The following NXPE3 variants were observed in gnomAD, a reference collection of about 807,000 sequenced individuals.
NXPE3 encodes the protein neurexophilin and PC-esterase domain family member 3.
Under a neutral mutation model 46.1 loss-of-function variants are expected in NXPE3, and 26 were observed. The ratio of observed to expected loss-of-function variants is 0.56; its 90% confidence interval spans 0.41 to 0.78. The LOEUF is 0.78. Ranked by LOEUF, NXPE3 falls within the 30% of genes least tolerant of loss-of-function variation. The pLI, the probability that NXPE3 is intolerant of heterozygous loss-of-function variation, is 0.00. For missense variants in NXPE3, 620 were observed against 686.0 expected, an observed-to-expected ratio of 0.90 and a Z score of 1.07; for synonymous variants, 272 against 257.9, an observed-to-expected ratio of 1.05 and a Z score of -0.52.
chr3:101,797,023 G>T (rs1370460293), intron 4 of NXPE3, among the ~76,000 whole-genome samples: 1 of 152,080 alleles, frequency 6.6e-6, no homozygotes, highest in East Asian at 1.9e-4. Context: ...TACATCTTAG[G>T]TAGATTAGTT....
At chr3:101,794,728 A>G (rs896200767) in intron 4 of NXPE3, among the ~76,000 whole-genome samples, 10 of 152,218 alleles carry the variant, frequency 6.6e-5, no homozygotes, top group Non-Finnish European at 1.3e-4. Flanking sequence ...AGGGAGAGAC[A>G]GAGAGACTTG....
rs189227575 is a variant in NXPE3, at chr3:101,804,477, A to C, written c.848+2488A>C. Among the ~76,000 whole-genome samples, 249 of 152,314 alleles carry C rather than the reference A, an allele frequency of 1.6e-3. 3 individuals carry two copies. The highest frequency in any genetic ancestry group is 5.7e-3 in the African/African-American group (239 of 41,574). On this transcript the variant is annotated intron_variant, in intron 5 of 7. Transcript: ENST00000273347. ...TGTCTGAGGTGGTGTAAGTTTTTGGAAAGCAAACATTTGACAGAGTTCTCA... is the reference window on the plus strand; with the variant it reads ...TGTCTGAGGTGGTGTAAGTTTTTGGCAAGCAAACATTTGACAGAGTTCTCA...
chr3:101,808,348 G>A (rs765603008), intron 6 of NXPE3, among the ~76,000 whole-genome samples: 57 of 152,244 alleles, frequency 3.7e-4, no homozygotes, highest in Admixed American at 1.5e-3. Flanking sequence ...TTAACTAATA[G>A]TACTGCACTC....
intron 4 of NXPE3, among the ~76,000 whole-genome samples, chr3:101,788,645 T>C (rs577155111): frequency 6.6e-6 from 1 of 152,346 alleles, no homozygotes; most frequent in South Asian, 2.1e-4. Context: ...AGACGGAGTC[T>C]TGCTCTGTTG....
intron 7 of NXPE3, among the ~76,000 whole-genome samples, chr3:101,818,495 C>T (rs960080545): frequency 6.6e-6 from 1 of 151,640 alleles, no homozygotes; most frequent in Non-Finnish European, 1.5e-5. Context: ...GTTTTCATCA[C>T]GTCCCACCAT....
At chr3:101,806,569 C>T (rs924883771) in intron 5 of NXPE3, among the ~76,000 whole-genome samples, 2 of 152,114 alleles carry the variant, frequency 1.3e-5, no homozygotes, top group African/African-American at 4.8e-5. Context: ...CTAAAGAGTC[C>T]TGGTAATGAT....
intron 7 of NXPE3, among the ~76,000 whole-genome samples, chr3:101,820,488 A>C (rs1249168182): frequency 6.6e-6 from 1 of 152,224 alleles, no homozygotes; most frequent in East Asian, 1.9e-4. Context: ...AAGAGCTAAA[A>C]GCAGAACTAC....
At chr3:101,791,116 C>T (rs1940494209) in intron 4 of NXPE3, among the ~76,000 whole-genome samples, 1 of 152,114 alleles carries the variant, frequency 6.6e-6, no homozygotes, top group South Asian at 2.1e-4. Context: ...CTCAAGTAAA[C>T]CCCAGTGTCT....
At chr3:101,807,469 A>G (rs1328513020) in intron 6 of NXPE3, among the ~76,000 whole-genome samples, 4 of 151,278 alleles carry the variant, frequency 2.6e-5, no homozygotes, top group Non-Finnish European at 5.9e-5. Flanking sequence ...ACAGGCACAC[A>G]CCACCACACC....
chr3:101,818,600 T>A (rs1942068925), intron 7 of NXPE3, among the ~76,000 whole-genome samples: 1 of 150,936 alleles, frequency 6.6e-6, no homozygotes, highest in Non-Finnish European at 1.5e-5. Context: ...TTTTATTCAG[T>A]TAAAATGGGG....
At position 101,826,828 on chromosome 3, in the gene NXPE3, G is replaced by C. The variant is rs984022400; in HGVS notation, c.*4874G>C. The C allele has an allele frequency of 1.3e-5, 2 of 152,248 alleles. No homozygotes were observed. The highest frequency in any genetic ancestry group is 6.5e-5 in the Admixed American group (1 of 15,284). The allele number at this position is 152,248 out of a possible 1,614,324, so 9.4% of individuals were successfully genotyped here. A position where few individuals can be genotyped will look rare whatever the true frequency, so the allele number is the denominator to read the frequency against. ...GTGGGCGGATCACCTGAGGTCAAGAGTTCAAGACCAGCCTGACCAATATGA... is the reference window on the plus strand; with the variant it reads ...GTGGGCGGATCACCTGAGGTCAAGACTTCAAGACCAGCCTGACCAATATGA... On this transcript the variant is annotated 3_prime_UTR_variant, in exon 8 of 8. Coordinates refer to ENST00000273347, the MANE Select transcript of NXPE3 (RefSeq NM_145037.4).
At position 101,823,162 on chromosome 3, in the gene NXPE3, T is replaced by A. The variant is rs181448294; in HGVS notation, c.*1208T>A. On this transcript the variant is annotated 3_prime_UTR_variant, in exon 8 of 8. Coordinates refer to ENST00000273347, the MANE Select transcript of NXPE3 (RefSeq NM_145037.4). ...TGATAGATTATAGTCTAGTTTAAGTTGCTCCTAAGTAGACAGATGAAGAAA... is the reference window on the plus strand; with the variant it reads ...TGATAGATTATAGTCTAGTTTAAGTAGCTCCTAAGTAGACAGATGAAGAAA... The A allele has an allele frequency of 8.5e-4, 129 of 152,264 alleles. No individual in the cohort carries two copies. Among genetic ancestry groups the A allele is most frequent in the African/African-American group, 2.9e-3 (122 of 41,544 alleles). 9.4% of individuals were successfully genotyped at this position (152,264 alleles called of 1,614,324 possible). A position where few individuals can be genotyped will look rare whatever the true frequency, so the allele number is the denominator to read the frequency against.
intron 4 of NXPE3, among the ~76,000 whole-genome samples, chr3:101,789,320 G>T (rs1224060690): frequency 1.3e-5 from 2 of 152,142 alleles, no homozygotes; most frequent in African/African-American, 4.8e-5. Flanking sequence ...GAGACAGGAG[G>T]ATCACCTGAG....
At position 101,801,912 on chromosome 3, in the gene NXPE3, C is replaced by G; in HGVS notation, c.771C>G (p.Cys257Trp). 1 of 1,614,130 alleles carries G rather than the reference C, an allele frequency of 6.2e-7. No individual in the cohort carries two copies. Reference protein sequence around the residue: ...WFCFKPKKLPCSSRITHFKGG... With the variant: ...WFCFKPKKLPWSSRITHFKGG... ...GCTTCAAACCAAAGAAGCTCCCTTG[C>G]AGCAGCAGAATTACCCATTTCAAAG... The change falls in exon 5 of 8, where the codon TGC becomes TGG. Residue 257 changes from cysteine (C) to tryptophan (W), a missense_variant. Cys to Trp is a radical substitution (Grantham distance 215). Transcript: ENST00000273347.
intron 4 of NXPE3, among the ~76,000 whole-genome samples, chr3:101,794,966 G>C (rs1940741296): frequency 6.6e-6 from 1 of 152,194 alleles, no homozygotes; most frequent in Admixed American, 6.5e-5. Flanking sequence ...TTTTAGTGGA[G>C]TGAGCTATAA....
chr3:101,782,516 C>T (rs1939884984), intron 2 of NXPE3, 144 bp from the exon 3 acceptor site: 1 of 151,880 alleles, frequency 6.6e-6, no homozygotes. Flanking sequence ...TAGTTTTCTT[C>T]TTTTACTTAA....
rs1164349522 is a variant in NXPE3 at position 101,823,682 on chromosome 3, T to C, written c.*1728T>C. 1 of 152,176 alleles carries C rather than the reference T, an allele frequency of 6.6e-6. No individual in the cohort carries two copies. Among genetic ancestry groups the C allele is most frequent in the African/African-American group, 2.4e-5 (1 of 41,406 alleles). The allele number at this position is 152,176 out of a possible 1,614,324, so 9.4% of individuals were successfully genotyped here. On this transcript the variant is annotated 3_prime_UTR_variant, in exon 8 of 8. Transcript: ENST00000273347. ...AGGGAGGCTAAGGCAGGGTGATTGA[T>C]TGAGCCCAGTAGTTTGAGGCTGCAG...
At chr3:101,809,757 T>A (rs1185852095) in intron 6 of NXPE3, among the ~76,000 whole-genome samples, 1 of 152,242 alleles carries the variant, frequency 6.6e-6, no homozygotes, top group African/African-American at 2.4e-5. Context: ...GTTCCAGTTT[T>A]GGCAGTTGGG....
At chr3:101,810,013 C>T (rs560102881) in intron 6 of NXPE3, among the ~76,000 whole-genome samples, 1 of 152,248 alleles carries the variant, frequency 6.6e-6, no homozygotes, top group African/African-American at 2.4e-5. Context: ...AATATTCTTA[C>T]AAGGTAAAAC....
Sources: gnomAD v4.1 joint callset for allele counts (sites outside exome capture counted in the v4.1 genomes callset) on GRCh38, gnomAD v4.1.1 for gene constraint, MANE v1.5 for transcripts, NCBI Gene and HGNC (gene_info 2026-07-23, HGNC 2026-07-21) for gene names.